Variants in FREM1 observed in about 807,000 individuals in gnomAD.
FREM1 encodes FRAS1-related extracellular matrix protein 1.
FREM1 carries 220 observed loss-of-function variants against 210.1 expected under a neutral mutation model. The observed-to-expected ratio is 1.05, with a 90% confidence interval of 0.94 to 1.17. The LOEUF is 1.17. Ranked by LOEUF, FREM1 falls within the 50% of genes most tolerant of loss-of-function variation. The probability of loss-of-function intolerance (pLI) is 0.00; values close to 1 mark genes in which losing one functional copy is unlikely to be tolerated. For synonymous variants in FREM1, 1,189 were observed against 980.2 expected, an observed-to-expected ratio of 1.21 and a Z score of -3.98; for missense variants, 3,454 against 2,675.5, an observed-to-expected ratio of 1.29 and a Z score of -6.42.
chr9:14,820,491 G>A (rs895602775), intron 13 of FREM1, among the ~76,000 whole-genome samples: 2 of 152,180 alleles, frequency 1.3e-5, no homozygotes, highest in African/African-American at 4.8e-5. Flanking sequence ...AGCTGGTAAA[G>A]GAGGATGACA....
intron 27 of FREM1, among the ~76,000 whole-genome samples, chr9:14,762,754 G>GT (rs756025031): frequency 2.6e-4 from 8 of 31,162 alleles, no homozygotes; most frequent in African/African-American, 6.2e-4. Flanking sequence ...TTTTGAATGT[G>GT]ATTTTTTTTT....
rs1825835179 is a variant in FREM1, at chr9:14,842,342, A to G, written c.1712T>C (p.Met571Thr). ...TATCAGTCCTGGCCCTGGCTTCTTC[A>G]TGATCTCCCCAGCCTGTGGAGGCTT... The part of the protein sequence containing the change: ...ITKPPQAGEI[M>T]KKPGPGLIGY... Residue 571 changes from methionine (M) to threonine (T), a missense_variant, in exon 9 of 37, where the codon ATG becomes ACG. Coordinates refer to ENST00000380880, the MANE Select transcript of FREM1 (RefSeq NM_001379081.2). 1 of 1,594,534 alleles carries G rather than the reference A, an allele frequency of 6.3e-7. No individual in the cohort carries two copies. The highest frequency in any genetic ancestry group is 8.6e-7 in the Non-Finnish European group (1 of 1,169,058).
At chr9:14,815,132 G>C (rs911740532) in intron 15 of FREM1, among the ~76,000 whole-genome samples, 1 of 152,202 alleles carries the variant, frequency 6.6e-6, no homozygotes, top group Non-Finnish European at 1.5e-5. Flanking sequence ...TCCTGGCATA[G>C]AGAGGTGCAC....
chr9:14,738,021 A>G (rs6474852), intron 36 of FREM1, among the ~76,000 whole-genome samples: 113,105 of 152,104 alleles, frequency 0.74, 42,168 homozygotes, highest in Middle Eastern at 0.8. Flanking sequence ...ATTCTCTTGC[A>G]TATTATTTTT....
chr9:14,865,362 C>T lies in FREM1; in HGVS notation c.235-1459G>A, dbSNP rs527827934. Among the ~76,000 whole-genome samples the T allele has an allele frequency of 3.3e-5, 5 of 152,324 alleles. No individual in the cohort carries two copies. The South Asian group carries it at 1.0e-3, about 32-fold the overall frequency. On this transcript the variant is annotated intron_variant, in intron 2 of 36. Transcript: ENST00000380880. The stretch of plus-strand genomic sequence containing the variant: ...ATGAGGAAAACATATTGCCATCAAC[C>T]TCATCTAATTGACTATATCAAGAGG...
At chr9:14,788,017 T>C (rs1379046625) in intron 23 of FREM1, among the ~76,000 whole-genome samples, 1 of 152,186 alleles carries the variant, frequency 6.6e-6, no homozygotes. Context: ...CAATTATAAT[T>C]CTGCCACACA....
chr9:14,799,875 C>T (rs1037766303), intron 20 of FREM1, among the ~76,000 whole-genome samples: 7 of 151,350 alleles, frequency 4.6e-5, no homozygotes, highest in African/African-American at 1.2e-4. Flanking sequence ...TATACATGTG[C>T]CATGCTGGTG....
chr9:14,787,343 T>G (rs530179560), intron 23 of FREM1, among the ~76,000 whole-genome samples: 1 of 152,114 alleles, frequency 6.6e-6, no homozygotes, highest in Non-Finnish European at 1.5e-5. Flanking sequence ...GAAGAAAAAA[T>G]TTGAACTGAA....
At chr9:14,846,329 G>C (rs1046862265) in intron 7 of FREM1, among the ~76,000 whole-genome samples, 1 of 152,144 alleles carries the variant, frequency 6.6e-6, no homozygotes, top group African/African-American at 2.4e-5. Flanking sequence ...TGGACACAGG[G>C]AGGGGAACAT....
chr9:14,740,217 A>G lies in FREM1; in HGVS notation c.6272T>C (p.Val2091Ala), dbSNP rs768743298. Residue 2091 changes from valine to alanine, a missense_variant, in exon 36 of 37, where the codon GTA becomes GCA. Transcript: ENST00000380880. The stretch of plus-strand genomic sequence containing the variant: ...CATGTGCTGCCTGGAGAATACAGTT[A>G]CAAGGTTGCCCAGGTATCTAAATGC... ...ACREQYLGNLVTVFSRQHMRW... is the reference protein window; with the variant it reads ...ACREQYLGNLATVFSRQHMRW... 1 of 1,613,084 alleles carries G rather than the reference A, an allele frequency of 6.2e-7. No homozygotes were observed. The highest frequency in any genetic ancestry group is 8.5e-7 in the Non-Finnish European group (1 of 1,179,292).
In FREM1 at chr9:14,775,815, C is replaced by T. The variant is rs752033713; in HGVS notation, c.4831G>A (p.Glu1611Lys). 2 of 1,612,678 alleles carry T rather than the reference C, an allele frequency of 1.2e-6. No individual in the cohort carries two copies. Among genetic ancestry groups the T allele is most frequent in the East Asian group, 2.2e-5 (1 of 44,794 alleles). ...TGAATGGTGAATAAAACAGGTTCTT[C>T]CCACACTCTCCCATTCACAATAAAG... ...QGFIVNGRVW[E>K]EPVLFTIQVD... Residue 1611 changes from glutamate to lysine, a missense_variant, in exon 25 of 37, where the codon GAA becomes AAA. Coordinates refer to ENST00000380880, the MANE Select transcript of FREM1 (RefSeq NM_001379081.2).
intron 23 of FREM1, among the ~76,000 whole-genome samples, chr9:14,787,631 C>T (rs1289299632): frequency 6.6e-6 from 1 of 152,124 alleles, no homozygotes; most frequent in African/African-American, 2.4e-5. Flanking sequence ...TTGAGTGACT[C>T]TAAGGCCTTC....
chr9:14,859,757 C>G (rs1829459263), intron 3 of FREM1, among the ~76,000 whole-genome samples: 1 of 152,154 alleles, frequency 6.6e-6, no homozygotes, highest in Admixed American at 6.5e-5. Flanking sequence ...TATTTAATGA[C>G]TGCTGAGATC....
In FREM1 at chr9:14,806,596, C is replaced by T; in HGVS notation, c.3274+65G>A. On this transcript the variant is annotated intron_variant, in intron 18 of 36. Transcript: ENST00000380880. ...GTCCTTACAAAGTTATTAAGCATGA[C>T]CTGGCCAATCGCTTCCATAAATATA... The T allele has an allele frequency of 5.2e-6, 5 of 952,502 alleles. No individual in the cohort carries two copies. In the South Asian group the frequency reaches 7.1e-5, roughly 14 times the overall value. The allele number at this position is 952,502 out of a possible 1,614,324, so 59.0% of individuals were successfully genotyped here.
intron 20 of FREM1, among the ~76,000 whole-genome samples, chr9:14,800,890 A>G (rs969177833): frequency 6.6e-6 from 1 of 152,126 alleles, no homozygotes; most frequent in Non-Finnish European, 1.5e-5. Context: ...AATTATTTTA[A>G]AATTTTTATT....
At chr9:14,900,458 G>C (rs979223810) in intron 1 of FREM1, among the ~76,000 whole-genome samples, 3 of 152,206 alleles carry the variant, frequency 2.0e-5, no homozygotes, top group Admixed American at 6.5e-5. Flanking sequence ...ACAACCCTCA[G>C]ACTCAGTAAG....
At chr9:14,774,054 G>C (rs767343769) in intron 25 of FREM1, 4 of 509,204 alleles carry the variant, frequency 7.9e-6, no homozygotes, top group South Asian at 1.4e-5. Context: ...TTAATACAAA[G>C]TGCTTCTTAC....
chr9:14,740,299 C>T, intron 35 of FREM1, 65 bp from the exon 36 acceptor site: 1 of 1,184,104 alleles, frequency 8.4e-7, no homozygotes, highest in East Asian at 2.4e-5. Context: ...ATACGAAATG[C>T]ATAACAGAAA....
intron 20 of FREM1, among the ~76,000 whole-genome samples, chr9:14,799,684 C>G (rs1234620085): frequency 6.6e-6 from 1 of 151,528 alleles, no homozygotes; most frequent in Non-Finnish European, 1.5e-5. Context: ...ACAATGTATT[C>G]TATTATTTGT....
Sources: gnomAD v4.1 joint callset for allele counts (sites outside exome capture counted in the v4.1 genomes callset) on GRCh38, gnomAD v4.1.1 for gene constraint, MANE v1.5 for transcripts, NCBI Gene and HGNC (gene_info 2026-07-23, HGNC 2026-07-21) for gene names.